PLCB1: variants seen among roughly 807,000 people sequenced by gnomAD.
The protein encoded by PLCB1 is 1-phosphatidylinositol 4,5-bisphosphate phosphodiesterase beta-1.
A neutral mutation model predicts 161.8 loss-of-function variants in PLCB1; 46 were observed. The observed-to-expected ratio is 0.28, with a 90% CI of 0.22 to 0.36. The LOEUF (loss-of-function observed/expected upper bound fraction) is 0.36, where lower values mean the gene tolerates loss of function less well. Ranked by LOEUF, PLCB1 falls within the 10% of genes least tolerant of loss-of-function variation. The probability of loss-of-function intolerance (pLI) is 1.00; values close to 1 mark genes in which losing one functional copy is unlikely to be tolerated. For synonymous variants in PLCB1, 517 were observed against 503.7 expected, an observed-to-expected ratio of 1.03 and a Z score of -0.35; for missense variants, 1,016 against 1,472.5, an observed-to-expected ratio of 0.69 and a Z score of 5.07.
chr20:8,522,043 A>T (rs918873146), intron 3 of PLCB1, among the ~76,000 whole-genome samples: 3 of 152,196 alleles, frequency 2.0e-5, no homozygotes, highest in African/African-American at 7.2e-5. Flanking sequence ...CCTCCAGAAG[A>T]TTGTCCTTGA....
intron 31 of PLCB1, among the ~76,000 whole-genome samples, chr20:8,794,055 G>A (rs377227804): frequency 1.1e-4 from 16 of 152,250 alleles, no homozygotes; most frequent in African/African-American, 2.2e-4. Flanking sequence ...GCTCACCAGC[G>A]GTCAGAGTTT....
chr20:8,539,730 TTTC>T (rs932570602), intron 3 of PLCB1, among the ~76,000 whole-genome samples: 1 of 151,192 alleles, frequency 6.6e-6, no homozygotes, highest in Non-Finnish European at 1.5e-5. Context: ...TTTCCCTTCC[TTTC>T]TTCTTTCTCT....
intron 2 of PLCB1, among the ~76,000 whole-genome samples, chr20:8,220,581 G>C (rs1173577862): frequency 6.6e-6 from 1 of 152,158 alleles, no homozygotes; most frequent in Non-Finnish European, 1.5e-5. Context: ...CCGAGATTGG[G>C]GTGATACAGC....
chr20:8,428,572 A>G (rs1363058038), intron 3 of PLCB1, among the ~76,000 whole-genome samples: 1 of 152,220 alleles, frequency 6.6e-6, no homozygotes, highest in Non-Finnish European at 1.5e-5. Flanking sequence ...TAGCACAGGG[A>G]AAAAGTGTGC....
rs1308370216 is a variant in PLCB1 at position 8,187,020 on chromosome 20, C to A, written c.177+36649C>A. On this transcript the variant is annotated intron_variant, in intron 2 of 31. Coordinates refer to ENST00000338037, the MANE Select transcript of PLCB1 (RefSeq NM_015192.4). ...AACTAAGCAGGCTGAGCACCTTGGT[C>A]AGCAGAGATCCCTATAGGGATTCTT... 3.3e-5 allele frequency among the ~76,000 whole-genome samples: 5 copies of A among 152,258 alleles called. No individual in the cohort carries two copies. In the East Asian group the frequency reaches 9.7e-4, roughly 29 times the overall value.
At position 8,235,657 on chromosome 20, in the gene PLCB1, A is replaced by G. The variant is rs947713963; in HGVS notation, c.177+85286A>G. Reference sequence around the variant, plus strand: ...CACTGCTTAATAAAATGAATTAAGCACTATAAATATTAGAATTGTCATTTT... The same window carrying G: ...CACTGCTTAATAAAATGAATTAAGCGCTATAAATATTAGAATTGTCATTTT... On this transcript the variant is annotated intron_variant, in intron 2 of 31. Coordinates refer to ENST00000338037, the MANE Select transcript of PLCB1 (RefSeq NM_015192.4). Among the ~76,000 whole-genome samples, 5 of 152,116 alleles carry G rather than the reference A, an allele frequency of 3.3e-5. 1 individual carries two copies. The South Asian group carries it at 8.3e-4, about 25-fold the overall frequency.
intron 3 of PLCB1, among the ~76,000 whole-genome samples, chr20:8,397,846 T>A (rs1003936362): frequency 3.3e-5 from 5 of 152,250 alleles, no homozygotes; most frequent in Middle Eastern, 3.4e-3. Flanking sequence ...GGTTCTGTAG[T>A]TTTTTCAGTC....
intron 2 of PLCB1, among the ~76,000 whole-genome samples, chr20:8,218,144 A>T (rs1452689132): frequency 6.6e-6 from 1 of 152,066 alleles, no homozygotes; most frequent in Non-Finnish European, 1.5e-5. Flanking sequence ...TATATCCATT[A>T]TATGTGTTAG....
At chr20:8,187,436 G>C (rs1172135583) in intron 2 of PLCB1, among the ~76,000 whole-genome samples, 1 of 152,082 alleles carries the variant, frequency 6.6e-6, no homozygotes, top group Non-Finnish European at 1.5e-5. Flanking sequence ...TCTAAACTCT[G>C]GTGCCTCCTC....
At chr20:8,183,924 A>C (rs1031530450) in intron 2 of PLCB1, among the ~76,000 whole-genome samples, 1 of 152,220 alleles carries the variant, frequency 6.6e-6, no homozygotes, top group African/African-American at 2.4e-5. Flanking sequence ...AAAAGAACCA[A>C]AAATAGTTAT....
chr20:8,292,006 A>G (rs1002286226), intron 2 of PLCB1, among the ~76,000 whole-genome samples: 18 of 152,140 alleles, frequency 1.2e-4, no homozygotes, highest in African/African-American at 4.1e-4. Context: ...AGTGAAGGGT[A>G]GGTTATAAAG....
intron 2 of PLCB1, among the ~76,000 whole-genome samples, chr20:8,217,009 C>T (rs1337546676): frequency 6.6e-6 from 1 of 152,142 alleles, no homozygotes; most frequent in African/African-American, 2.4e-5. Flanking sequence ...CACTGAGGTG[C>T]TTTGTCACTC....
chr20:8,780,874 G>A (rs1362557690), intron 27 of PLCB1, among the ~76,000 whole-genome samples: 2 of 152,044 alleles, frequency 1.3e-5, no homozygotes, highest in African/African-American at 2.4e-5. Context: ...TCATGAAACT[G>A]TAAGGAGGAA....
intron 3 of PLCB1, among the ~76,000 whole-genome samples, chr20:8,495,597 C>A (rs1568698819): frequency 6.6e-6 from 1 of 151,848 alleles, no homozygotes; most frequent in Non-Finnish European, 1.5e-5. Context: ...CGGGGTTTCA[C>A]CCTGTTAGCC....
chr20:8,812,812 G>A lies in PLCB1; in HGVS notation c.3423+22551G>A, dbSNP rs200276625. Among the ~76,000 whole-genome samples, 6 of 152,188 alleles carry A rather than the reference G, an allele frequency of 3.9e-5. No homozygotes were observed. The East Asian group carries it at 1.2e-3, about 29-fold the overall frequency. Reference sequence around the variant, plus strand: ...AAAAACGTGTAAAACCAATCCTATGGGGAGTGAAATGTTGAAGAAACCATA... The same window carrying A: ...AAAAACGTGTAAAACCAATCCTATGAGGAGTGAAATGTTGAAGAAACCATA... On this transcript the variant is annotated intron_variant, in intron 31 of 31. Transcript: ENST00000338037.
chr20:8,388,608 C>G (rs1283640959), intron 3 of PLCB1, among the ~76,000 whole-genome samples: 1 of 152,142 alleles, frequency 6.6e-6, no homozygotes, highest in Non-Finnish European at 1.5e-5. Context: ...TTGGTTCCAA[C>G]TATTTCTTAA....
rs536060205 is a variant in PLCB1, at chr20:8,442,827, T to C, written c.246+71377T>C. Among the ~76,000 whole-genome samples the C allele has an allele frequency of 1.6e-4, 24 of 152,178 alleles. No homozygotes were observed. The East Asian group carries it at 4.6e-3, about 29-fold the overall frequency. On this transcript the variant is annotated intron_variant, in intron 3 of 31. Coordinates refer to ENST00000338037, the MANE Select transcript of PLCB1 (RefSeq NM_015192.4). ...ATGAAAACCAAGCATGCTGGGAAAA[T>C]CCTAATAATGATGGAATGGCTACCA...
Position 8,628,407 on chromosome 20 carries a change from G to C in PLCB1, c.360G>C (p.Val120=). Residue 120 remains valine, a synonymous_variant, in exon 4 of 32, where the codon GTG becomes GTC. Transcript: ENST00000338037. ...TGAACATCTCCCATTTGAATCTCGTGGCTTTCCAAGAAGAAGTGGCCAAGG... is the reference window on the plus strand; with the variant it reads ...TGAACATCTCCCATTTGAATCTCGTCGCTTTCCAAGAAGAAGTGGCCAAGG... The part of the protein sequence containing the change: ...DLVNISHLNL[V]AFQEEVAKEW... 6.2e-7 allele frequency: 1 copy of C among 1,614,012 alleles called. No homozygotes were observed. The highest frequency in any genetic ancestry group is 8.5e-7 in the Non-Finnish European group (1 of 1,179,976).
intron 31 of PLCB1, among the ~76,000 whole-genome samples, chr20:8,874,225 T>TACACACAC (rs56986559): frequency 0.011 from 1,491 of 132,536 alleles, 18 homozygotes; most frequent in African/African-American, 0.032. Flanking sequence ...TATGTGTATG[T>TACACACAC]ACACACACAC....
Sources: allele counts gnomAD v4.1 joint callset (sites outside exome capture counted in the v4.1 genomes callset), GRCh38; gene constraint gnomAD v4.1.1; transcripts MANE v1.5; gene names NCBI Gene and HGNC (gene_info 2026-07-23, HGNC 2026-07-21).